Variants in FAT1 observed in about 807,000 individuals in gnomAD.
The protein encoded by FAT1 is FAT atypical cadherin 1, also known as protocadherin Fat 1.
FAT1 carries 171 observed loss-of-function variants against 329.8 expected under a neutral mutation model. The ratio of observed to expected loss-of-function variants is 0.52; its 90% CI spans 0.46 to 0.59. The LOEUF (loss-of-function observed/expected upper bound fraction) is 0.59, where lower values mean the gene tolerates loss of function less well. Ranked by LOEUF, FAT1 falls within the 20% of genes least tolerant of loss-of-function variation. The probability of loss-of-function intolerance (pLI) is 0.00; values close to 1 mark genes in which losing one functional copy is unlikely to be tolerated. For synonymous variants in FAT1, 2,233 were observed against 2,228.6 expected (o/e 1.00, Z -0.06); for missense variants, 5,672 against 5,774.4 (o/e 0.98, Z 0.57).
At chr4:186,616,559 T>A (rs1739721793) in intron 11 of FAT1, among the ~76,000 whole-genome samples, 1 of 152,092 alleles carries the variant, frequency 6.6e-6, no homozygotes, top group South Asian at 2.1e-4. Context: ...TACTTTTAGT[T>A]CCCACTGAAT....
At chr4:186,689,431 A>G (rs919199536) in intron 2 of FAT1, among the ~76,000 whole-genome samples, 4 of 152,210 alleles carry the variant, frequency 2.6e-5, no homozygotes, top group Non-Finnish European at 5.9e-5. Flanking sequence ...ATGACCCATC[A>G]TGGACAATTT....
chr4:186,589,163 T>A lies in FAT1; in HGVS notation c.13196A>T (p.Glu4399Val). 1 of 1,613,878 alleles carries A rather than the reference T, an allele frequency of 6.2e-7. No individual in the cohort carries two copies. The highest frequency in any genetic ancestry group is 1.7e-5 in the Admixed American group (1 of 60,014). Residue 4399 changes from glutamate (E) to valine (V), a missense_variant, in exon 27 of 27, where the codon GAG becomes GTG. Coordinates refer to ENST00000441802, the MANE Select transcript of FAT1 (RefSeq NM_005245.4). ...MPSVPLPDIQ[E>V]FPNYEVIDEQ... Reference sequence around the variant, plus strand: ...ATCAATCACCTCATAGTTGGGGAACTCTTGTATGTCCGGCAGAGGAACGCT... The same window carrying A: ...ATCAATCACCTCATAGTTGGGGAACACTTGTATGTCCGGCAGAGGAACGCT...
At position 186,622,585 on chromosome 4, in the gene FAT1, G is replaced by A. The variant is rs187929966; in HGVS notation, c.4811-810C>T. On this transcript the variant is annotated intron_variant, in intron 9 of 26. Coordinates refer to ENST00000441802, the MANE Select transcript of FAT1 (RefSeq NM_005245.4). ...CTGAGAGGCTGCTCAAAGATAGAGT[G>A]TTTTACCTCCTTTTCTTTGGACCTT... is the stretch of plus-strand genomic sequence containing the variant. Among the ~76,000 whole-genome samples, 5 of 152,220 alleles carry A rather than the reference G, an allele frequency of 3.3e-5. No individual in the cohort carries two copies. The East Asian group carries it at 9.7e-4, about 29-fold the overall frequency.
At chr4:186,718,669 AAAAATAAAAT>A (rs889945336) in intron 1 of FAT1, among the ~76,000 whole-genome samples, 1 of 152,150 alleles carries the variant, frequency 6.6e-6, no homozygotes, top group African/African-American at 2.4e-5. Context: ...TCCGTCTCAA[AAAAATAAAAT>A]AAAATAAAAT....
At chr4:186,600,860 G>A (rs186707502) in intron 21 of FAT1, among the ~76,000 whole-genome samples, 19 of 152,158 alleles carry the variant, frequency 1.2e-4, no homozygotes, top group Non-Finnish European at 1.2e-4. Flanking sequence ...ACAGGCGTCC[G>A]CCACCAAGTC....
intron 2 of FAT1, among the ~76,000 whole-genome samples, chr4:186,665,187 G>C (rs977285825): frequency 2.0e-5 from 3 of 152,086 alleles, no homozygotes; most frequent in African/African-American, 7.2e-5. Context: ...TCAGAAAGGG[G>C]GTATAATACT....
intron 2 of FAT1, among the ~76,000 whole-genome samples, chr4:186,690,643 TCACGCTACTG>T (rs1743711160): frequency 6.6e-6 from 1 of 151,770 alleles, no homozygotes; most frequent in African/African-American, 2.4e-5. Context: ...TGAGCAGAGA[TCACGCTACTG>T]CACTCCAGCC....
chr4:186,716,506 C>T (rs1043810891), intron 1 of FAT1, among the ~76,000 whole-genome samples: 4 of 152,018 alleles, frequency 2.6e-5, no homozygotes, highest in Non-Finnish European at 5.9e-5. Flanking sequence ...TAGCTCACTG[C>T]AGCACCAACC....
At chr4:186,665,659 G>T (rs1377471753) in intron 2 of FAT1, among the ~76,000 whole-genome samples, 1 of 152,100 alleles carries the variant, frequency 6.6e-6, no homozygotes, top group Non-Finnish European at 1.5e-5. Context: ...CACTCTGATG[G>T]TAGTTTCTTT....
chr4:186,713,221 A>G (rs952977700), intron 1 of FAT1, among the ~76,000 whole-genome samples: 1 of 151,980 alleles, frequency 6.6e-6, no homozygotes, highest in African/African-American at 2.4e-5. Context: ...TTTAGCTGTC[A>G]TGTCTCCTAA....
chr4:186,619,998 C>T lies in FAT1; in HGVS notation c.6588G>A (p.Gln2196=), dbSNP rs1333453712. The change falls in exon 10 of 27, where the codon CAG becomes CAA. Residue 2196 remains glutamine (Q), a synonymous_variant. Coordinates refer to ENST00000441802, the MANE Select transcript of FAT1 (RefSeq NM_005245.4). ...FYSAEIAESI[Q]VHSPVVHVQA... The stretch of plus-strand genomic sequence containing the variant: ...GCACGTGGACCACAGGGCTGTGCAC[C>T]TGGATGCTCTCTGCAATCTCTGCAC... 1 of 1,614,010 alleles carries T rather than the reference C, an allele frequency of 6.2e-7. No homozygotes were observed. The highest frequency in any genetic ancestry group is 8.5e-7 in the Non-Finnish European group (1 of 1,179,888).
intron 2 of FAT1, among the ~76,000 whole-genome samples, chr4:186,668,725 T>C (rs944629800): frequency 2.0e-5 from 3 of 152,216 alleles, no homozygotes; most frequent in Admixed American, 2.0e-4. Context: ...AGATTACAGA[T>C]TGATTTCTTC....
chr4:186,709,463 G>A lies in FAT1; in HGVS notation c.365C>T (p.Ala122Val), dbSNP rs2126704410. 6.2e-7 allele frequency: 1 copy of A among 1,613,822 alleles called. No homozygotes were observed. The highest frequency in any genetic ancestry group is 1.7e-5 in the Admixed American group (1 of 60,004). Residue 122 changes from alanine to valine, a missense_variant, in exon 2 of 27, where the codon GCA (alanine) becomes GTA (valine). This residue lies in a region of FAT1 where 3,966 missense variants were observed against 3,915.2 expected (regional missense o/e 1.01). Transcript: ENST00000441802. ...VKDHYTLIVK[A>V]LEKNTNVEAR... ...CTCCACATTAGTATTTTTTTCAAGT[G>A]CTTTCACTATCAATGTGTAGTGATC...
chr4:186,717,163 AACTCT>A (rs915483987), intron 1 of FAT1, among the ~76,000 whole-genome samples: 2 of 151,726 alleles, frequency 1.3e-5, no homozygotes, highest in African/African-American at 4.9e-5. Context: ...GGAAAAAAAA[AACTCT>A]CTATTTTTCT....
chr4:186,690,545 A>T (rs1399765310), intron 2 of FAT1, among the ~76,000 whole-genome samples: 2 of 152,008 alleles, frequency 1.3e-5, no homozygotes, highest in Non-Finnish European at 2.9e-5. Context: ...AAAATACAAA[A>T]ATTTAGCTAG....
At chr4:186,598,240 C>G in intron 22 of FAT1, 115 bp from the exon 23 acceptor site, 1 of 1,055,496 alleles carries the variant, frequency 9.5e-7, no homozygotes, top group South Asian at 2.1e-5. Context: ...TCGTAAAATT[C>G]TCACTCTCTC....
Position 186,621,337 on chromosome 4 carries a change from G to A in FAT1, c.5249C>T (p.Thr1750Met), listed in dbSNP as rs774723845. The A allele has an allele frequency of 8.7e-6, 14 of 1,613,900 alleles. No individual in the cohort carries two copies. The highest frequency in any genetic ancestry group is 3.3e-5 in the South Asian group (3 of 91,088). Reference protein sequence around the residue: ...TNMAGLSTNTTVLVHLQDEND... With the variant: ...TNMAGLSTNTMVLVHLQDEND... ...CTCATCCTGCAAGTGAACTAGAACC[G>A]TTGTATTAGTGGACAAACCAGCCAT... Residue 1750 changes from threonine (T) to methionine (M), a missense_variant, in exon 10 of 27, where the codon ACG becomes ATG. By Grantham distance (81) the Thr-to-Met change is moderately conservative. This residue lies in a region of FAT1 where 3,966 missense variants were observed against 3,915.2 expected (regional missense o/e 1.01). Coordinates refer to ENST00000441802, the MANE Select transcript of FAT1 (RefSeq NM_005245.4).
At chr4:186,634,667 A>G (rs1740749985) in intron 6 of FAT1, among the ~76,000 whole-genome samples, 1 of 152,218 alleles carries the variant, frequency 6.6e-6, no homozygotes, top group African/African-American at 2.4e-5. Flanking sequence ...AAAAAAAAAC[A>G]AAAACAAAAC....
At position 186,617,852 on chromosome 4, in the gene FAT1, T is replaced by C; in HGVS notation, c.8734A>G (p.Asn2912Asp). The change falls in exon 10 of 27, where the codon AAC becomes GAC. Residue 2912 changes from asparagine (N) to aspartate (D), a missense_variant. By Grantham distance (23) the Asn-to-Asp change is conservative (BLOSUM62 1). Around this residue, in one of 2 missense-constraint regions of FAT1, gnomAD observed 3,966 missense variants for 3,915.2 expected, o/e 1.01. Transcript: ENST00000441802. Reference protein sequence around the residue: ...AIVDVTVTDVNDSPPRFTAEI... With the variant: ...AIVDVTVTDVDDSPPRFTAEI... ...GCCGTGAATCGTGGTGGACTATCGT[T>C]GACATCGGTGACGGTAACATCCACA... 6.2e-7 allele frequency: 1 copy of C among 1,614,016 alleles called. No individual in the cohort carries two copies. Among genetic ancestry groups the C allele is most frequent in the South Asian group, 1.1e-5 (1 of 91,080 alleles).
Sources: allele counts gnomAD v4.1 joint callset (sites outside exome capture counted in the v4.1 genomes callset), GRCh38; gene constraint gnomAD v4.1.1; regional missense constraint gnomAD v4.1.1; transcripts MANE v1.5; gene names NCBI Gene and HGNC (gene_info 2026-07-23, HGNC 2026-07-21).